ARID5A: variants seen among roughly 807,000 people sequenced by gnomAD.
ARID5A encodes AT-rich interactive domain-containing protein 5A.
Under a neutral mutation model 30.5 loss-of-function variants are expected in ARID5A, and 14 were observed. The observed-to-expected ratio is 0.46, with a 90% CI of 0.30 to 0.72. The LOEUF (loss-of-function observed/expected upper bound fraction) is 0.72, where lower values mean the gene tolerates loss of function less well. ARID5A is among the 30% of genes least tolerant of loss of function. The pLI, the probability that ARID5A is intolerant of heterozygous loss-of-function variation, is 0.07. For missense variants in ARID5A, 669 were observed against 786.2 expected (o/e 0.85, Z 1.78); for synonymous variants, 338 against 340.4 (o/e 0.99, Z 0.08).
intron 1 of ARID5A, chr2:96,538,435 C>A: frequency 1.5e-6 from 1 of 661,380 alleles, no homozygotes; most frequent in Non-Finnish European, 1.9e-6. Context: ...CAGCTGCCCC[C>A]AGACCCTGTC....
chr2:96,544,167 C>T (rs1259330058), intron 1 of ARID5A, among the ~76,000 whole-genome samples: 2 of 152,324 alleles, frequency 1.3e-5, no homozygotes, highest in East Asian at 1.9e-4. Flanking sequence ...TAAGGAAAGA[C>T]GCCATCACCA....
chr2:96,547,881 AGGG>A (rs2065957046), intron 2 of ARID5A, among the ~76,000 whole-genome samples: 1 of 152,190 alleles, frequency 6.6e-6, no homozygotes, highest in East Asian at 1.9e-4. Flanking sequence ...CAGAATCTGA[AGGG>A]GGAGCTGCAG....
At position 96,537,078 on chromosome 2, in the gene ARID5A, A is replaced by G. The variant is rs560536650; in HGVS notation, c.4+248A>G. ...CGCGAGCTTCGAGAAAAGGAAAGAC[A>G]AAAAGTTTTGGCGGCCAGGGGCTTC... is the stretch of plus-strand genomic sequence containing the variant. On this transcript the variant is annotated intron_variant, in intron 1 of 6. Coordinates refer to ENST00000357485, the MANE Select transcript of ARID5A (RefSeq NM_212481.3). The surrounding 1 kb of genome is among the most constrained non-coding windows in gnomAD (Gnocchi z 4.8). Among the ~76,000 whole-genome samples, 1 of 152,154 alleles carries G rather than the reference A, an allele frequency of 6.6e-6. No homozygotes were observed. Among genetic ancestry groups the G allele is most frequent in the Non-Finnish European group, 1.5e-5 (1 of 67,980 alleles).
At chr2:96,542,066 C>A (rs577679542) in intron 1 of ARID5A, among the ~76,000 whole-genome samples, 21 of 152,358 alleles carry the variant, frequency 1.4e-4, no homozygotes, top group African/African-American at 4.8e-4. Flanking sequence ...CTGCATGGCC[C>A]AACATCTATG....
Position 96,552,112 on chromosome 2 carries a change from C to A in ARID5A, c.1584C>A (p.Pro528=), listed in dbSNP as rs746273881. ...GCCAGGCTGCACTCCCCTTCAGCCC[C>A]CTGGTCATCCCGGCCTTCCCGGCCC... is the stretch of plus-strand genomic sequence containing the variant. ...LKGQAALPFS[P]LVIPAFPAHF... is the part of the protein sequence containing the mutation. The change falls in exon 7 of 7, where the codon CCC becomes CCA. Residue 528 remains proline, a synonymous_variant. Transcript: ENST00000357485. The A allele has an allele frequency of 3.1e-6, 5 of 1,608,914 alleles. No homozygotes were observed. The highest frequency in any genetic ancestry group is 4.2e-6 in the Non-Finnish European group (5 of 1,177,704).
Position 96,552,134 on chromosome 2 carries a change from G to A in ARID5A, c.1606G>A (p.Ala536Thr), listed in dbSNP as rs997338983. 1.2e-6 allele frequency: 2 copies of A among 1,612,288 alleles called. No individual in the cohort carries two copies. Among genetic ancestry groups the A allele is most frequent in the African/African-American group, 2.7e-5 (2 of 74,938 alleles). ...CCCCCTGGTCATCCCGGCCTTCCCG[G>A]CCCACTTCCTGGCCACCGCAGGCCC... ...FSPLVIPAFP[A>T]HFLATAGPSP... is the part of the protein sequence containing the mutation. The change falls in exon 7 of 7, where the codon GCC (alanine) becomes ACC (threonine). Residue 536 changes from alanine to threonine, a missense_variant. Transcript: ENST00000357485.
chr2:96,546,057 G>C (rs1411232780), intron 1 of ARID5A, among the ~76,000 whole-genome samples: 1 of 152,122 alleles, frequency 6.6e-6, no homozygotes, highest in Admixed American at 6.5e-5. Flanking sequence ...CCTGAAATCA[G>C]TCAGCAGCCA....
chr2:96,538,267 T>TG, intron 1 of ARID5A: 1 of 985,480 alleles, frequency 1.0e-6, no homozygotes, highest in South Asian at 4.7e-5. Flanking sequence ...CCAGACTCCG[T>TG]GGGGAGGGAC....
chr2:96,542,216 A>T (rs1392455436), intron 1 of ARID5A, among the ~76,000 whole-genome samples: 1 of 151,628 alleles, frequency 6.6e-6, no homozygotes, highest in Non-Finnish European at 1.5e-5. Flanking sequence ...GGGGGAGAGG[A>T]CTCTCCCTTC....
rs747626873 is a variant in ARID5A at position 96,552,357 on chromosome 2, T to A, written c.*44T>A. On this transcript the variant is annotated 3_prime_UTR_variant, in exon 7 of 7. Transcript: ENST00000357485. ...GTACACTGTGGAGTCGACAGGGGCC[T>A]ACAACAGGCAGGTACTGCTGCCAGG... The A allele has an allele frequency of 7.4e-6, 12 of 1,612,012 alleles. No individual in the cohort carries two copies. The highest frequency in any genetic ancestry group is 1.6e-4 in the Middle Eastern group (1 of 6,062).
At position 96,552,023 on chromosome 2, in the gene ARID5A, G is replaced by A. The variant is rs2066059460; in HGVS notation, c.1495G>A (p.Ala499Thr). Residue 499 changes from alanine (A) to threonine (T), a missense_variant, in exon 7 of 7, where the codon GCC (alanine) becomes ACC (threonine). Physicochemically the swap from Ala to Thr is moderately conservative, Grantham distance 58. Transcript: ENST00000357485. ...AGCCCTGGGGCCTGTGCCCCCAGAG[G>A]CCTACAGGGGCACCATGCTGCACTG... ...GPALGPVPPE[A>T]YRGTMLHCPL... The A allele has an allele frequency of 6.5e-7, 1 of 1,534,976 alleles. No individual in the cohort carries two copies. The highest frequency in any genetic ancestry group is 8.8e-7 in the Non-Finnish European group (1 of 1,141,716).
intron 1 of ARID5A, among the ~76,000 whole-genome samples, chr2:96,540,780 C>G (rs1345106054): frequency 6.6e-6 from 1 of 152,264 alleles, no homozygotes; most frequent in African/African-American, 2.4e-5. Context: ...GACGGAGTCT[C>G]TGTCACCCAG....
chr2:96,537,812 GTGC>G lies in ARID5A; in HGVS notation c.4+983_4+985del. The G allele has an allele frequency of 2.1e-6, 2 of 965,452 alleles. No individual in the cohort carries two copies. Among genetic ancestry groups the G allele is most frequent in the Non-Finnish European group, 1.2e-6 (1 of 811,730 alleles). The allele number at this position is 965,452 out of a possible 1,614,324, so 59.8% of individuals were successfully genotyped here. ...GCGCCGGCGTGGTGGGGCTTGCGCG[GTGC>G]AGGACCCCCGAGGGCCCAGGGGGTC... On this transcript the variant is annotated intron_variant, in intron 1 of 6. Transcript: ENST00000357485. This position sits in a 1 kb window ranked among gnomAD's most constrained non-coding sequence, Gnocchi z 4.8.
At position 96,551,396 on chromosome 2, in the gene ARID5A, C is replaced by T. The variant is rs1477280422; in HGVS notation, c.868C>T (p.Pro290Ser). 20 of 1,608,968 alleles carry T rather than the reference C, an allele frequency of 1.2e-5. No homozygotes were observed. The highest frequency in any genetic ancestry group is 1.6e-5 in the Non-Finnish European group (19 of 1,178,474). Residue 290 changes from proline (P) to serine (S), a missense_variant, in exon 7 of 7, where the codon CCA becomes TCA. Pro to Ser is a moderately conservative substitution (Grantham distance 74). Around this residue, in one of 4 missense-constraint regions of ARID5A, gnomAD observed 548 missense variants for 577.4 expected, o/e 0.95. Transcript: ENST00000357485. The stretch of plus-strand genomic sequence containing the variant: ...CCATGGGGCAGAGCCCCAGGCGTCC[C>T]CAGCTGTTCACCTCCCAGAGAGTCC... ...CRHGAEPQAS[P>S]AVHLPESPQS...
intron 1 of ARID5A, among the ~76,000 whole-genome samples, chr2:96,541,347 C>T (rs2065843139): frequency 6.6e-6 from 1 of 152,094 alleles, no homozygotes; most frequent in African/African-American, 2.4e-5. Flanking sequence ...AGAATTATCC[C>T]AAAGTTCAAA....
chr2:96,545,257 A>C (rs1447892570), intron 1 of ARID5A, among the ~76,000 whole-genome samples: 3 of 150,974 alleles, frequency 2.0e-5, no homozygotes, highest in Non-Finnish European at 4.4e-5. Context: ...CCTAGGTTCA[A>C]AGGATTCTCC....
intron 1 of ARID5A, among the ~76,000 whole-genome samples, chr2:96,545,160 T>TC (rs1163928111): frequency 6.8e-6 from 1 of 146,574 alleles, no homozygotes; most frequent in Non-Finnish European, 1.5e-5. Flanking sequence ...CTTTTTCTTT[T>TC]TTTTTTTTTT....
Position 96,552,522 on chromosome 2 carries a change from A to C in ARID5A, c.*209A>C. 6.5e-7 allele frequency: 1 copy of C among 1,532,906 alleles called. No individual in the cohort carries two copies. Among genetic ancestry groups the C allele is most frequent in the Non-Finnish European group, 8.7e-7 (1 of 1,145,298 alleles). The allele number at this position is 1,532,906 out of a possible 1,614,324, so 95.0% of individuals were successfully genotyped here. A position where few individuals can be genotyped will look rare whatever the true frequency, so the allele number is the denominator to read the frequency against. ...GCCTGAGCCCAGGAGCAGAGGACCC[A>C]GTTGTTATAAGGCGCTGGGAGAGGA... is the stretch of plus-strand genomic sequence containing the variant. On this transcript the variant is annotated 3_prime_UTR_variant, in exon 7 of 7. Transcript: ENST00000357485.
chr2:96,540,349 G>C (rs539751466), intron 1 of ARID5A, among the ~76,000 whole-genome samples: 4 of 152,318 alleles, frequency 2.6e-5, no homozygotes, highest in Non-Finnish European at 5.9e-5. Context: ...CTCCTGCCCA[G>C]CACCCTGCCG....
Sources: gnomAD v4.1 joint callset for allele counts (sites outside exome capture counted in the v4.1 genomes callset) on GRCh38, gnomAD v4.1.1 for gene constraint, gnomAD v4.1.1 regional missense constraint, Gnocchi (gnomAD v3.1) non-coding constraint, MANE v1.5 for transcripts, NCBI Gene and HGNC (gene_info 2026-07-23, HGNC 2026-07-21) for gene names.